The following ZNF317 variants were observed in gnomAD, a reference collection of about 807,000 sequenced individuals.
The protein encoded by ZNF317 is KRAB-containing zinc finger protein 317.
Under a neutral mutation model 23.4 loss-of-function variants are expected in ZNF317, and 17 were observed. The ratio of observed to expected loss-of-function variants is 0.73; its 90% confidence interval spans 0.50 to 1.09. ZNF317 has a LOEUF of 1.09. ZNF317 is among the 50% of genes least tolerant of loss of function. The pLI, the probability that ZNF317 is intolerant of heterozygous loss-of-function variation, is 0.00. For missense variants in ZNF317, 679 were observed against 796.7 expected (o/e 0.85, Z 1.78); for synonymous variants, 317 against 314.9 (o/e 1.01, Z -0.07).
chr19:9,145,217 G>GTATTTTTAGTAAAGACAAGGTTTCACC (rs1441195618), intron 1 of ZNF317, among the ~76,000 whole-genome samples: 3 of 152,152 alleles, frequency 2.0e-5, no homozygotes, highest in African/African-American at 7.2e-5. Context: ...GCTAATTTTT[G>GTATTTTTAGTAAAGACAAGGTTTCACC]TATTTTTAGT....
At chr19:9,159,593 C>G (rs1168649235) in intron 6 of ZNF317, among the ~76,000 whole-genome samples, 1 of 150,300 alleles carries the variant, frequency 6.7e-6, no homozygotes, top group African/African-American at 2.5e-5. Flanking sequence ...GTCACCCAGG[C>G]TGGAGTGCAA....
rs35822846 is a variant in ZNF317, at chr19:9,156,616, G to A, written c.30G>A (p.Thr10=). 0.07 allele frequency: 113,653 copies of A among 1,613,510 alleles called. 4,403 individuals carry two copies. Among genetic ancestry groups the A allele is most frequent in the African/African-American group, 0.14 (10,291 of 74,946 alleles). ...GAACCCTGTTTTCTCCTCCAGCCAC[G>A]TCCACCCAGGATTCCACCTGTCTCC... MAALSPTFA[T]STQDSTCLQD... Residue 10 remains threonine (T), a synonymous_variant, in exon 3 of 7, where the codon ACG becomes ACA. Coordinates refer to ENST00000247956, the MANE Select transcript of ZNF317 (RefSeq NM_020933.5).
At chr19:9,154,822 C>G (rs755165332) in intron 1 of ZNF317, among the ~76,000 whole-genome samples, 2 of 152,212 alleles carry the variant, frequency 1.3e-5, no homozygotes, top group African/African-American at 2.4e-5. Flanking sequence ...CTATTTCACA[C>G]TCCTACCATC....
chr19:9,161,596 C>G lies in ZNF317; in HGVS notation c.*163C>G. On this transcript the variant is annotated 3_prime_UTR_variant, in exon 7 of 7. Coordinates refer to ENST00000247956, the MANE Select transcript of ZNF317 (RefSeq NM_020933.5). This position sits in a 1 kb window ranked among gnomAD's most constrained non-coding sequence, Gnocchi z 4.0. ...AACTGGGAAGACGAGGCGTTCTCATCCCATAGGAGGTTTGTGAGAACTCAC... is the reference window on the plus strand; with the variant it reads ...AACTGGGAAGACGAGGCGTTCTCATGCCATAGGAGGTTTGTGAGAACTCAC... The G allele has an allele frequency of 2.8e-6, 3 of 1,071,964 alleles. No homozygotes were observed. Among genetic ancestry groups the G allele is most frequent in the Non-Finnish European group, 3.9e-6 (3 of 759,580 alleles). The allele number at this position is 1,071,964 out of a possible 1,614,324, so 66.4% of individuals were successfully genotyped here.
At chr19:9,158,143 G>A in intron 5 of ZNF317, 68 bp downstream of exon 5, 2 of 1,481,020 alleles carry the variant, frequency 1.4e-6, no homozygotes, top group Non-Finnish European at 1.8e-6. Flanking sequence ...GGTGGAGGGA[G>A]GTAGGTTAGG....
At position 9,160,894 on chromosome 19, in the gene ZNF317, C is replaced by T; in HGVS notation, c.1249C>T (p.Pro417Ser). ...KHMRIHIVKK[P>S]VECRQCGKTF... Reference sequence around the variant, plus strand: ...CATGAGGATTCACATCGTCAAGAAACCCGTGGAATGTCGGCAGTGCGGGAA... The same window carrying T: ...CATGAGGATTCACATCGTCAAGAAATCCGTGGAATGTCGGCAGTGCGGGAA... The change falls in exon 7 of 7, where the codon CCC becomes TCC. Residue 417 changes from proline to serine, a missense_variant. By Grantham distance (74) the Pro-to-Ser change is moderately conservative. Transcript: ENST00000247956. The surrounding 1 kb of genome is among the most constrained non-coding windows in gnomAD (Gnocchi z 6.8). The T allele has an allele frequency of 6.2e-7, 1 of 1,614,170 alleles. No individual in the cohort carries two copies. Among genetic ancestry groups the T allele is most frequent in the Admixed American group, 1.7e-5 (1 of 60,018 alleles).
chr19:9,148,667 C>T (rs2050709548), intron 1 of ZNF317, among the ~76,000 whole-genome samples: 2 of 151,786 alleles, frequency 1.3e-5, no homozygotes, highest in South Asian at 4.2e-4. Flanking sequence ...ATATCAGGCA[C>T]TGGAATGGTG....
Position 9,160,383 on chromosome 19 carries a change from G to C in ZNF317, c.738G>C (p.Gly246=). The change falls in exon 7 of 7, where the codon GGG becomes GGC. Residue 246 remains glycine, a synonymous_variant. Transcript: ENST00000247956. This position sits in a 1 kb window ranked among gnomAD's most constrained non-coding sequence, Gnocchi z 6.8. ...CACGGCACAGGAGAATCCACACCGG[G>C]GAGAAGCCTTACGAGTGCAGCGACT... ...SLTRHRRIHT[G]EKPYECSDCG... is the part of the protein sequence containing the mutation. 1 of 1,614,158 alleles carries C rather than the reference G, an allele frequency of 6.2e-7. No individual in the cohort carries two copies.
Position 9,146,365 on chromosome 19 carries a change from C to A in ZNF317, c.-93+5773C>A, listed in dbSNP as rs1804629586. ...AAAATGGCATATGATGTTCTCACAA[C>A]CTTTGTTGCCTTCTCTGTCTCTCGC... On this transcript the variant is annotated intron_variant, in intron 1 of 6. Transcript: ENST00000247956. Among the ~76,000 whole-genome samples, 9 of 150,910 alleles carry A rather than the reference C, an allele frequency of 6.0e-5. No individual in the cohort carries two copies. In the South Asian group the frequency reaches 1.9e-3, roughly 32 times the overall value.
In ZNF317 at chr19:9,156,747, AGG is replaced by A; in HGVS notation, c.162_162+1del. ...CCTCACACACCCAGTGTTGGTTCCCAGGTGCACTAAGATCTCTGGGTCCCTAG... is the reference window on the plus strand; with the variant it reads ...CCTCACACACCCAGTGTTGGTTCCCATGCACTAAGATCTCTGGGTCCCTAG... On this transcript the variant is annotated splice_donor_variant and coding_sequence_variant, in exon 3 of 7. Transcript: ENST00000247956. LOFTEE classifies it high-confidence loss of function. 6.2e-7 allele frequency: 1 copy of A among 1,613,576 alleles called. No homozygotes were observed.
rs1473096071 is a variant in ZNF317, at chr19:9,160,691, T to A, written c.1046T>A (p.Leu349His). The change falls in exon 7 of 7, where the codon CTC becomes CAC. Residue 349 changes from leucine to histidine, a missense_variant. Physicochemically the swap from Leu to His is moderately conservative, Grantham distance 99. Transcript: ENST00000247956. The surrounding 1 kb of genome is among the most constrained non-coding windows in gnomAD (Gnocchi z 6.8). ...CGKAFQHPSH[L>H]KEHVRNHTGE... ...AAAGCTTTCCAGCACCCCTCCCACC[T>A]CAAAGAGCACGTGAGGAATCACACG... The A allele has an allele frequency of 6.2e-7, 1 of 1,614,016 alleles. No homozygotes were observed.
At chr19:9,150,446 A>T (rs1382601481) in intron 1 of ZNF317, among the ~76,000 whole-genome samples, 1 of 152,136 alleles carries the variant, frequency 6.6e-6, no homozygotes, top group Non-Finnish European at 1.5e-5. Context: ...GCTTGCATTA[A>T]AGGGGAGTCT....
chr19:9,158,147 G>A, intron 5 of ZNF317, 72 bp downstream of exon 5: 1 of 1,462,492 alleles, frequency 6.8e-7, no homozygotes, highest in South Asian at 1.4e-5. Context: ...GAGGGAGGTA[G>A]GTTAGGGAGT....
chr19:9,153,476 G>C (rs138988841), intron 1 of ZNF317, among the ~76,000 whole-genome samples: 10 of 152,268 alleles, frequency 6.6e-5, no homozygotes, highest in Non-Finnish European at 1.3e-4. Context: ...ACTGGTTTTT[G>C]TATGAGATGT....
At position 9,161,397 on chromosome 19, in the gene ZNF317, G is replaced by A. The variant is rs1187545567; in HGVS notation, c.1752G>A (p.Lys584=). 2 of 1,613,686 alleles carry A rather than the reference G, an allele frequency of 1.2e-6. No homozygotes were observed. The highest frequency in any genetic ancestry group is 1.7e-5 in the Admixed American group (1 of 59,998). The change falls in exon 7 of 7, where the codon AAG becomes AAA. Residue 584 remains lysine (K), a synonymous_variant. Transcript: ENST00000247956. This position sits in a 1 kb window ranked among gnomAD's most constrained non-coding sequence, Gnocchi z 4.0. ...RSHVKTHRGE[K]LFVSSVWKRL... ...ACGTGAAAACTCACCGGGGAGAGAAGCTCTTTGTGTCATCCGTGTGGAAAA... is the reference window on the plus strand; with the variant it reads ...ACGTGAAAACTCACCGGGGAGAGAAACTCTTTGTGTCATCCGTGTGGAAAA...
Position 9,160,816 on chromosome 19 carries a change from G to A in ZNF317, c.1171G>A (p.Glu391Lys), listed in dbSNP as rs766645842. 2 of 1,614,066 alleles carry A rather than the reference G, an allele frequency of 1.2e-6. No homozygotes were observed. Among genetic ancestry groups the A allele is most frequent in the Admixed American group, 1.7e-5 (1 of 59,996 alleles). Residue 391 changes from glutamate (E) to lysine (K), a missense_variant, in exon 7 of 7, where the codon GAA becomes AAA. Transcript: ENST00000247956. This position sits in a 1 kb window ranked among gnomAD's most constrained non-coding sequence, Gnocchi z 6.8. ...GAACCACATGGTGGAGAAGACCTACGAATGTAAAGAATGCGGGAAATCCTT... is the reference window on the plus strand; with the variant it reads ...GAACCACATGGTGGAGAAGACCTACAAATGTAAAGAATGCGGGAAATCCTT... ...KKNHMVEKTY[E>K]CKECGKSFGD...
intron 4 of ZNF317, 107 bp from the exon 5 acceptor site, chr19:9,157,873 T>A (rs1173945607): frequency 9.1e-6 from 13 of 1,421,334 alleles, no homozygotes; most frequent in Non-Finnish European, 1.1e-5. Flanking sequence ...TAAGTCAGAC[T>A]TGTCCACCCT....
At position 9,162,251 on chromosome 19, in the gene ZNF317, C is replaced by T. The variant is rs1412748895; in HGVS notation, c.*818C>T. The T allele has an allele frequency of 6.6e-6, 1 of 152,114 alleles. No homozygotes were observed. Among genetic ancestry groups the T allele is most frequent in the African/African-American group, 2.4e-5 (1 of 41,424 alleles). The allele number at this position is 152,114 out of a possible 1,614,324, so 9.4% of individuals were successfully genotyped here. A position where few individuals can be genotyped will look rare whatever the true frequency, so the allele number is the denominator to read the frequency against. ...AGATGCTGCTAAGTCGGCTCCAGCA[C>T]ACAGGAGCCCCCCACAACGAAGAGT... is the stretch of plus-strand genomic sequence containing the variant. On this transcript the variant is annotated 3_prime_UTR_variant, in exon 7 of 7. Transcript: ENST00000247956.
In ZNF317 at chr19:9,157,574, G is replaced by A. The variant is rs555131754; in HGVS notation, c.289+180G>A. On this transcript the variant is annotated intron_variant, in intron 4 of 6. Coordinates refer to ENST00000247956, the MANE Select transcript of ZNF317 (RefSeq NM_020933.5). ...GAGGCCCATCTATTGCAGGGACCAT[G>A]GTGGTTCTCCGGTGTGTGTCTGAGC... 11 of 781,722 alleles carry A rather than the reference G, an allele frequency of 1.4e-5. No individual in the cohort carries two copies. In the South Asian group the frequency reaches 2.3e-4, roughly 17 times the overall value. 48.4% of individuals were successfully genotyped at this position (781,722 alleles called of 1,614,324 possible).
Sources: allele counts gnomAD v4.1 joint callset (sites outside exome capture counted in the v4.1 genomes callset), GRCh38; gene constraint gnomAD v4.1.1; non-coding constraint Gnocchi (gnomAD v3.1); transcripts MANE v1.5; gene names NCBI Gene and HGNC (gene_info 2026-07-23, HGNC 2026-07-21).